Variants in SUMO2 observed in about 807,000 individuals in gnomAD.
SUMO2 encodes small ubiquitin like modifier 2, also known as small ubiquitin-related modifier 2.
SUMO2 carries 1 observed loss-of-function variant against 16.0 expected under a neutral mutation model. The observed-to-expected ratio is 0.06, with a 90% confidence interval of 0.02 to 0.30. The LOEUF (loss-of-function observed/expected upper bound fraction) is 0.30, where lower values mean the gene tolerates loss of function less well. SUMO2 is among the 10% of genes least tolerant of loss of function. The pLI, the probability that SUMO2 is intolerant of heterozygous loss-of-function variation, is 1.00. For synonymous variants in SUMO2, 36 were observed against 40.6 expected (o/e 0.89, Z 0.43); for missense variants, 16 against 117.5 (o/e 0.14, Z 3.99).
chr17:75,178,111 T>C (rs899315767), intron 2 of SUMO2, among the ~76,000 whole-genome samples: 2 of 149,530 alleles, frequency 1.3e-5, no homozygotes, highest in African/African-American at 2.5e-5. Context: ...TGAGCCATGA[T>C]CATAATCCTC....
At chr17:75,181,941 G>T (rs554054876) in intron 1 of SUMO2, among the ~76,000 whole-genome samples, 2 of 152,146 alleles carry the variant, frequency 1.3e-5, no homozygotes, top group African/African-American at 4.8e-5. Flanking sequence ...CAATTCTGTA[G>T]CCCTAAAACG....
Position 75,167,779 on chromosome 17 carries a change from G to A in SUMO2, c.*560C>T, listed in dbSNP as rs1393370134. ...AAACAACAAGACGCTTGACTTGAAG[G>A]GAAAACTATCTAGGATTCTTTTTTG... On this transcript the variant is annotated 3_prime_UTR_variant, in exon 4 of 4. Coordinates refer to ENST00000420826, the MANE Select transcript of SUMO2 (RefSeq NM_006937.4). 6.4e-6 allele frequency: 1 copy of A among 155,384 alleles called. No individual in the cohort carries two copies. The highest frequency in any genetic ancestry group is 1.5e-5 in the Non-Finnish European group (1 of 68,034). The allele number at this position is 155,384 out of a possible 1,614,324, so 9.6% of individuals were successfully genotyped here. A position where few individuals can be genotyped will look rare whatever the true frequency, so the allele number is the denominator to read the frequency against.
chr17:75,174,678 C>T (rs929264144), intron 3 of SUMO2, 74 bp downstream of exon 3: 12 of 1,405,962 alleles, frequency 8.5e-6, no homozygotes, highest in South Asian at 4.9e-5. Context: ...AGTGTCTAAA[C>T]GTTCAAATTC....
intron 1 of SUMO2, among the ~76,000 whole-genome samples, chr17:75,182,171 A>T (rs950441312): frequency 1.3e-5 from 2 of 151,852 alleles, no homozygotes; most frequent in Non-Finnish European, 2.9e-5. Flanking sequence ...GTTCGTTGGC[A>T]CCCAGGGAAA....
At chr17:75,177,164 CTT>C (rs949159827) in intron 2 of SUMO2, among the ~76,000 whole-genome samples, 6 of 145,902 alleles carry the variant, frequency 4.1e-5, no homozygotes, top group African/African-American at 1.0e-4. Context: ...GAGCGAGACT[CTT>C]GTCTCAAAAA....
At chr17:75,180,977 T>C in intron 2 of SUMO2, 80 bp downstream of exon 2, 1 of 1,543,092 alleles carries the variant, frequency 6.5e-7, no homozygotes, top group South Asian at 1.1e-5. Flanking sequence ...TGTAATGTGC[T>C]AGTCTAGTTT....
At chr17:75,177,183 AAAATT>A (rs902381716) in intron 2 of SUMO2, among the ~76,000 whole-genome samples, 3 of 151,406 alleles carry the variant, frequency 2.0e-5, no homozygotes, top group African/African-American at 7.3e-5. Context: ...AAAAAAAAAA[AAAATT>A]AATTAATTAA....
chr17:75,176,390 C>T (rs969860065), intron 2 of SUMO2, among the ~76,000 whole-genome samples: 3 of 151,782 alleles, frequency 2.0e-5, no homozygotes, highest in Non-Finnish European at 4.4e-5. Flanking sequence ...GAGACCAAGG[C>T]AGATCATCTG....
intron 2 of SUMO2, among the ~76,000 whole-genome samples, chr17:75,175,043 G>A (rs770993236): frequency 8.6e-5 from 13 of 151,970 alleles, no homozygotes; most frequent in Admixed American, 2.6e-4. Context: ...GTGCAGTGGC[G>A]TGATCTCAGC....
intron 3 of SUMO2, among the ~76,000 whole-genome samples, chr17:75,170,869 A>C (rs951240571): frequency 2.0e-5 from 3 of 151,352 alleles, no homozygotes; most frequent in South Asian, 2.1e-4. Flanking sequence ...AAAAAAAAAA[A>C]CCCAAATTAA....
intron 2 of SUMO2, among the ~76,000 whole-genome samples, chr17:75,175,823 G>C (rs1352910922): frequency 6.6e-6 from 1 of 151,768 alleles, no homozygotes; most frequent in Non-Finnish European, 1.5e-5. Context: ...AGTAGAGACA[G>C]GGTTTCACCA....
At position 75,169,536 on chromosome 17, in the gene SUMO2, A is replaced by T. The variant is rs543350860; in HGVS notation, c.226-1135T>A. 5.1e-4 allele frequency among the ~76,000 whole-genome samples: 77 copies of T among 151,720 alleles called. No homozygotes were observed. The South Asian group carries it at 9.8e-3, about 19-fold the overall frequency. On this transcript the variant is annotated intron_variant, in intron 3 of 3. Transcript: ENST00000420826. ...GTAGCTGGGACTACAGGTGCCCGCC[A>T]CAACGCCTGGCTAATTTTTTGTATT...
At chr17:75,180,184 C>G (rs1419437326) in intron 2 of SUMO2, among the ~76,000 whole-genome samples, 1 of 150,826 alleles carries the variant, frequency 6.6e-6, no homozygotes, top group African/African-American at 2.4e-5. Flanking sequence ...CGTGGTGGCG[C>G]ACGCCTGAAA....
At chr17:75,177,799 C>A (rs992315914) in intron 2 of SUMO2, among the ~76,000 whole-genome samples, 93 of 150,614 alleles carry the variant, frequency 6.2e-4, no homozygotes, top group African/African-American at 2.2e-3. Context: ...TCAAGACCAG[C>A]CTGGCCAACG....
chr17:75,172,405 C>T (rs556540032), intron 3 of SUMO2, among the ~76,000 whole-genome samples: 7 of 149,834 alleles, frequency 4.7e-5, no homozygotes, highest in Admixed American at 3.4e-4. Context: ...CTTTAATCTC[C>T]GCCTCTCGGG....
At chr17:75,176,273 C>T (rs1341258421) in intron 2 of SUMO2, among the ~76,000 whole-genome samples, 1 of 151,972 alleles carries the variant, frequency 6.6e-6, no homozygotes, top group Non-Finnish European at 1.5e-5. Flanking sequence ...TTCCTGACCT[C>T]GTGATCCGCC....
intron 3 of SUMO2, among the ~76,000 whole-genome samples, chr17:75,172,670 T>C (rs1178385023): frequency 4.6e-5 from 7 of 152,008 alleles, no homozygotes; most frequent in Admixed American, 3.9e-4. Context: ...AGACGGGGTT[T>C]CTCCATGTTG....
intron 3 of SUMO2, among the ~76,000 whole-genome samples, chr17:75,169,755 A>AG (rs928589537): frequency 3.3e-5 from 5 of 150,380 alleles, no homozygotes; most frequent in African/African-American, 1.2e-4. Flanking sequence ...AGGCTGAGGC[A>AG]GGAGAATCGC....
Position 75,168,378 on chromosome 17 carries a change from T to C in SUMO2, c.249A>G (p.Thr83=), listed in dbSNP as rs767204503. The change falls in exon 4 of 4, where the codon ACA becomes ACG. Residue 83 remains threonine (T), a synonymous_variant. Coordinates refer to ENST00000420826, the MANE Select transcript of SUMO2 (RefSeq NM_006937.4). ...PAQLEMEDED[T]IDVFQQQTGG... ...CCGTCTGCTGTTGGAACACATCAAT[T>C]GTATCTTCATCCTCCATTTCCAACT... 30 of 1,608,014 alleles carry C rather than the reference T, an allele frequency of 1.9e-5. No homozygotes were observed. Among genetic ancestry groups the C allele is most frequent in the Middle Eastern group, 3.3e-4 (2 of 6,042 alleles).
Sources: gnomAD v4.1 joint callset for allele counts (sites outside exome capture counted in the v4.1 genomes callset) on GRCh38, gnomAD v4.1.1 for gene constraint, MANE v1.5 for transcripts, NCBI Gene and HGNC (gene_info 2026-07-23, HGNC 2026-07-21) for gene names.